The following LIPI variants were observed in gnomAD, a reference collection of about 807,000 sequenced individuals.
The protein encoded by LIPI is lipase member I.
LIPI carries 59 observed loss-of-function variants against 50.6 expected under a neutral mutation model. The ratio of observed to expected loss-of-function variants is 1.16; its 90% CI spans 0.94 to 1.45. LIPI has a LOEUF of 1.45. LIPI is among the 40% of genes most tolerant of loss of function. The probability of loss-of-function intolerance (pLI) is 0.00; values close to 1 mark genes in which losing one functional copy is unlikely to be tolerated. For synonymous variants in LIPI, 203 were observed against 178.2 expected (o/e 1.14, Z -1.11); for missense variants, 586 against 536.3 (o/e 1.09, Z -0.92).
At chr21:14,189,782 T>A (rs1427435984) in intron 1 of LIPI, among the ~76,000 whole-genome samples, 3 of 152,124 alleles carry the variant, frequency 2.0e-5, no homozygotes. Context: ...TACAGAGTAG[T>A]CCTTGTACAA....
chr21:14,148,177 T>C (rs889977819), intron 8 of LIPI, among the ~76,000 whole-genome samples: 9 of 152,094 alleles, frequency 5.9e-5, no homozygotes, highest in African/African-American at 1.9e-4. Context: ...TGTCTGCACA[T>C]AGGGGCATGT....
At chr21:14,209,478 C>A (rs1469123804) in intron 1 of LIPI, among the ~76,000 whole-genome samples, 1 of 151,986 alleles carries the variant, frequency 6.6e-6, no homozygotes, top group Non-Finnish European at 1.5e-5. Flanking sequence ...AGTAGAGATT[C>A]AAGGAAAATG....
At chr21:14,117,839 A>C (rs1225689646) in intron 9 of LIPI, among the ~76,000 whole-genome samples, 1 of 152,106 alleles carries the variant, frequency 6.6e-6, no homozygotes, top group Non-Finnish European at 1.5e-5. Flanking sequence ...AATTGAGATG[A>C]AAAAGCAAAG....
intron 2 of LIPI, among the ~76,000 whole-genome samples, chr21:14,186,810 T>C (rs1240843460): frequency 6.6e-6 from 1 of 152,188 alleles, no homozygotes; most frequent in Non-Finnish European, 1.5e-5. Flanking sequence ...GAGGACACAG[T>C]GAAAAGGCAT....
chr21:14,137,427 T>TA (rs1253737037), intron 9 of LIPI, among the ~76,000 whole-genome samples: 1 of 152,070 alleles, frequency 6.6e-6, no homozygotes, highest in Non-Finnish European at 1.5e-5. Context: ...ACTCTGGAGC[T>TA]AAAAAATGCA....
At chr21:14,136,208 A>G (rs1418641695) in intron 9 of LIPI, among the ~76,000 whole-genome samples, 4 of 152,096 alleles carry the variant, frequency 2.6e-5, no homozygotes, top group Non-Finnish European at 2.9e-5. Context: ...AGCCTCAGAG[A>G]TTTGCTGGCT....
chr21:14,207,314 C>T (rs929437257), intron 1 of LIPI, among the ~76,000 whole-genome samples: 1 of 151,924 alleles, frequency 6.6e-6, no homozygotes, highest in South Asian at 2.1e-4. Context: ...TGAGTGTTCC[C>T]AACATAAAGA....
At chr21:14,112,431 T>C (rs1192093038) in intron 9 of LIPI, among the ~76,000 whole-genome samples, 1 of 152,130 alleles carries the variant, frequency 6.6e-6, no homozygotes, top group Non-Finnish European at 1.5e-5. Context: ...TTGGTTGTTA[T>C]GGACATTTTT....
chr21:14,183,984 G>C (rs74586956), intron 3 of LIPI, among the ~76,000 whole-genome samples: 27,991 of 151,960 alleles, frequency 0.18, 2,878 homozygotes, highest in South Asian at 0.27. Flanking sequence ...GGGTATATAC[G>C]CAAAGGATTA....
intron 9 of LIPI, among the ~76,000 whole-genome samples, chr21:14,138,218 G>C (rs563213844): frequency 6.6e-6 from 1 of 151,744 alleles, no homozygotes; most frequent in African/African-American, 2.4e-5. Flanking sequence ...TAAAAATAAA[G>C]ATTAAAAAAT....
chr21:14,110,501 T>G (rs1196047284), intron 9 of LIPI, among the ~76,000 whole-genome samples: 1 of 152,000 alleles, frequency 6.6e-6, no homozygotes, highest in Non-Finnish European at 1.5e-5. Flanking sequence ...CAACATCTAC[T>G]CTGCATTTTT....
chr21:14,206,595 T>A (rs1568888743), intron 1 of LIPI, among the ~76,000 whole-genome samples: 1 of 151,916 alleles, frequency 6.6e-6, no homozygotes, highest in Non-Finnish European at 1.5e-5. Flanking sequence ...TTTCTGATAA[T>A]CTAAACCCCC....
intron 9 of LIPI, among the ~76,000 whole-genome samples, chr21:14,123,190 GA>G (rs1427870631): frequency 9.9e-5 from 15 of 152,224 alleles, no homozygotes; most frequent in African/African-American, 3.6e-4. Context: ...TGCATAGCAT[GA>G]TAGGAAAAGA....
At chr21:14,174,809 C>T (rs555338138) in intron 4 of LIPI, among the ~76,000 whole-genome samples, 3 of 152,212 alleles carry the variant, frequency 2.0e-5, no homozygotes, top group Non-Finnish European at 2.9e-5. Context: ...GCCTCGGCCT[C>T]CCAAAGTGCT....
At chr21:14,182,981 G>C (rs1273963968) in intron 3 of LIPI, among the ~76,000 whole-genome samples, 1 of 152,094 alleles carries the variant, frequency 6.6e-6, no homozygotes, top group Non-Finnish European at 1.5e-5. Flanking sequence ...CTACTTTAAA[G>C]TTCATATGGA....
chr21:14,181,934 T>A (rs2019286207), intron 3 of LIPI, 75 bp from the exon 4 acceptor site: 1 of 781,094 alleles, frequency 1.3e-6, no homozygotes, highest in Non-Finnish European at 2.3e-6. Context: ...CCATTATTAC[T>A]GCATTATAAA....
chr21:14,115,339 T>G (rs899726825), intron 9 of LIPI, among the ~76,000 whole-genome samples: 2 of 152,184 alleles, frequency 1.3e-5, no homozygotes, highest in African/African-American at 4.8e-5. Flanking sequence ...CAACTGCCTT[T>G]TTTCTCGCTT....
intron 1 of LIPI, among the ~76,000 whole-genome samples, chr21:14,205,489 T>A (rs1257297646): frequency 6.6e-6 from 1 of 151,994 alleles, no homozygotes; most frequent in Non-Finnish European, 1.5e-5. Context: ...ACTCATTTTA[T>A]CCATGATATA....
At chr21:14,169,557 A>T (rs1434516536) in intron 4 of LIPI, among the ~76,000 whole-genome samples, 11 of 152,204 alleles carry the variant, frequency 7.2e-5, no homozygotes, top group Non-Finnish European at 1.5e-4. Context: ...GGATTAAGAA[A>T]CTCACTCAAA....
Sources: gnomAD v4.1 joint callset for allele counts (sites outside exome capture counted in the v4.1 genomes callset) on GRCh38, gnomAD v4.1.1 for gene constraint, MANE v1.5 for transcripts, NCBI Gene and HGNC (gene_info 2026-07-23, HGNC 2026-07-21) for gene names.